SCN10A: variants seen among roughly 807,000 people sequenced by gnomAD.
The protein encoded by SCN10A is sodium channel protein type 10 subunit alpha.
In SCN10A, 162 loss-of-function variants were observed where a neutral mutation model predicts 170.7. The observed-to-expected ratio is 0.95, with a 90% CI of 0.84 to 1.08. SCN10A has a LOEUF of 1.08. Ranked by LOEUF, SCN10A falls within the 50% of genes least tolerant of loss-of-function variation. SCN10A has a pLI of 0.00. For synonymous variants in SCN10A, 985 were observed against 904.6 expected (o/e 1.09, Z -1.59); for missense variants, 2,527 against 2,436.9 (o/e 1.04, Z -0.78).
intron 1 of SCN10A, among the ~76,000 whole-genome samples, chr3:38,800,366 G>C (rs1040221946): frequency 1.3e-5 from 2 of 152,206 alleles, no homozygotes; most frequent in South Asian, 4.1e-4. Flanking sequence ...GTAGGTCTGA[G>C]GTGAGGCCCA....
chr3:38,726,302 T>C (rs189723257), intron 17 of SCN10A, among the ~76,000 whole-genome samples: 11 of 152,256 alleles, frequency 7.2e-5, no homozygotes, highest in Admixed American at 5.9e-4. Context: ...GAAATCTCAT[T>C]AGCATCTCAT....
intron 18 of SCN10A, 34 bp from the exon 19 acceptor site, chr3:38,723,587 C>T: frequency 6.4e-7 from 1 of 1,556,946 alleles, no homozygotes; most frequent in Non-Finnish European, 8.7e-7. Context: ...GTGAACTCGT[C>T]TCTCCGCGGG....
At chr3:38,714,765 C>T (rs951669945) in intron 21 of SCN10A, among the ~76,000 whole-genome samples, 2 of 152,190 alleles carry the variant, frequency 1.3e-5, no homozygotes, top group Non-Finnish European at 2.9e-5. Flanking sequence ...TTGTGAGCCC[C>T]TTTTGGTCTG....
intron 12 of SCN10A, 25 bp downstream of exon 12, chr3:38,752,194 G>C (rs2063754033): frequency 1.1e-5 from 16 of 1,482,438 alleles, no homozygotes; most frequent in Middle Eastern, 1.8e-4. Context: ...CAGCCTGAGG[G>C]AGTCTGAAGC....
rs371221408 is a variant in SCN10A at position 38,771,339 on chromosome 3, T to C, written c.539A>G (p.Asn180Ser). 5.0e-6 allele frequency: 8 copies of C among 1,614,042 alleles called. No homozygotes were observed. The African/African-American group carries it at 8.0e-5, about 16-fold the overall frequency. The change falls in exon 5 of 28, where the codon AAT (asparagine) becomes AGT (serine). Residue 180 changes from asparagine to serine, a missense_variant. Coordinates refer to ENST00000449082, the MANE Select transcript of SCN10A (RefSeq NM_006514.4). Reference protein sequence around the residue: ...IKILARGFCLNEFTYLRDPWN... With the variant: ...IKILARGFCLSEFTYLRDPWN... ...AGGATCTCTCAGGTACGTGAACTCA[T>C]TTAGACAAAATCCTCTTGCCAGTAT...
At chr3:38,742,597 T>C in intron 13 of SCN10A, 68 bp from the exon 14 acceptor site, 1 of 1,166,742 alleles carries the variant, frequency 8.6e-7, no homozygotes, top group East Asian at 2.3e-5. Context: ...TCTGCGGTCA[T>C]CCTCTAGACC....
At chr3:38,778,791 C>T (rs1383034309) in intron 4 of SCN10A, among the ~76,000 whole-genome samples, 3 of 152,052 alleles carry the variant, frequency 2.0e-5, no homozygotes, top group Non-Finnish European at 2.9e-5. Context: ...TATCAATTTG[C>T]ATTTCAAAAA....
intron 1 of SCN10A, among the ~76,000 whole-genome samples, chr3:38,802,472 G>A (rs11713473): frequency 0.12 from 17,763 of 151,894 alleles, 1,201 homozygotes; most frequent in Middle Eastern, 0.2. Flanking sequence ...GCCTTCTCCC[G>A]TTTTAACACA....
chr3:38,789,024 T>C lies in SCN10A; in HGVS notation c.402A>G (p.Leu134=), dbSNP rs777579309. The change falls in exon 4 of 28, where the codon TTA becomes TTG. Residue 134 remains leucine (L), a synonymous_variant. Transcript: ENST00000449082. ...IKVSVHSWFS[L]FITVTILVNC... ...TAACCAAAATAGTGACCGTAATAAATAAACTGAACCACCTGAAAGGCCTGT... is the reference window on the plus strand; with the variant it reads ...TAACCAAAATAGTGACCGTAATAAACAAACTGAACCACCTGAAAGGCCTGT... 2 of 1,609,882 alleles carry C rather than the reference T, an allele frequency of 1.2e-6. No individual in the cohort carries two copies. Among genetic ancestry groups the C allele is most frequent in the Admixed American group, 1.7e-5 (1 of 59,912 alleles).
chr3:38,756,698 G>C lies in SCN10A; in HGVS notation c.1266C>G (p.Leu422=). 6.2e-7 allele frequency: 1 copy of C among 1,613,978 alleles called. No individual in the cohort carries two copies. The highest frequency in any genetic ancestry group is 1.1e-5 in the South Asian group (1 of 91,078). ...EAKEKKFQEA[L]EMLRKEQEVL... is the part of the protein sequence containing the mutation. ...CCTCCTGCTCCTTCCGGAGCATCTC[G>C]AGGGCCTCCTGGAACTTCTTCTCCT... Residue 422 remains leucine, a synonymous_variant, in exon 10 of 28, where the codon CTC becomes CTG. Coordinates refer to ENST00000449082, the MANE Select transcript of SCN10A (RefSeq NM_006514.4).
rs145966245 is a variant in SCN10A at position 38,727,292 on chromosome 3, G to A, written c.2641-240C>T. Reference sequence around the variant, plus strand: ...TGGAAGCATATTTTCCACCATAAAGGAGGAGCCCCCCGCTGAGCAGAGGGA... The same window carrying A: ...TGGAAGCATATTTTCCACCATAAAGAAGGAGCCCCCCGCTGAGCAGAGGGA... On this transcript the variant is annotated intron_variant, in intron 16 of 27. Transcript: ENST00000449082. Among the ~76,000 whole-genome samples, 2,550 of 152,304 alleles carry A rather than the reference G, an allele frequency of 0.017. 30 individuals carry two copies. Among genetic ancestry groups the A allele is most frequent in the Non-Finnish European group, 0.026 (1,764 of 68,026 alleles).
chr3:38,739,560 G>A lies in SCN10A; in HGVS notation c.2235C>T (p.Gly745=), dbSNP rs759129745. The A allele has an allele frequency of 8.1e-6, 13 of 1,614,116 alleles. No individual in the cohort carries two copies. Among genetic ancestry groups the A allele is most frequent in the East Asian group, 2.2e-5 (1 of 44,878 alleles). The change falls in exon 15 of 28, where the codon GGC becomes GGT. Residue 745 remains glycine (G), a synonymous_variant. Coordinates refer to ENST00000449082, the MANE Select transcript of SCN10A (RefSeq NM_006514.4). ...CAGACAGGCTTCCCTTCTTGGCCAC[G>A]CCCAGCTCTAGCAGACTCACAGTGA... ...IIVTVSLLEL[G]VAKKGSLSVL... is the part of the protein sequence containing the mutation.
intron 11 of SCN10A, among the ~76,000 whole-genome samples, chr3:38,754,070 A>G (rs954837593): frequency 2.6e-5 from 4 of 152,244 alleles, no homozygotes; most frequent in Non-Finnish European, 4.4e-5. Flanking sequence ...ATCAATTAGC[A>G]TTAAAGAAGT....
At position 38,793,782 on chromosome 3, in the gene SCN10A, C is replaced by T. The variant is rs1429242461; in HGVS notation, c.229G>A (p.Glu77Lys). Residue 77 changes from glutamate (E) to lysine (K), a missense_variant, in exon 2 of 28, where the codon GAG becomes AAG. By Grantham distance (56) the Glu-to-Lys change is moderately conservative. Transcript: ENST00000449082. The stretch of plus-strand genomic sequence containing the variant: ...AACGGATCTAGATCCTCCAGGGGCT[C>T]CCCGATCAGTTCTGCTGGGAGCTCA... The part of the protein sequence containing the change: ...YGELPAELIG[E>K]PLEDLDPFYS... 6.2e-7 allele frequency: 1 copy of T among 1,613,858 alleles called. No homozygotes were observed. The highest frequency in any genetic ancestry group is 2.2e-5 in the East Asian group (1 of 44,848).
chr3:38,766,540 T>C (rs977648187), intron 5 of SCN10A, among the ~76,000 whole-genome samples: 6 of 152,200 alleles, frequency 3.9e-5, no homozygotes, highest in African/African-American at 1.4e-4. Flanking sequence ...GCAGCATTTA[T>C]TGACTTGTGT....
intron 3 of SCN10A, among the ~76,000 whole-genome samples, chr3:38,791,194 G>A (rs2126059331): frequency 6.6e-6 from 1 of 152,266 alleles, no homozygotes. Context: ...CCTCCTGCAA[G>A]CCAGGGCTAA....
At chr3:38,807,579 A>G (rs1426227603) in intron 1 of SCN10A, among the ~76,000 whole-genome samples, 1 of 152,102 alleles carries the variant, frequency 6.6e-6, no homozygotes, top group Admixed American at 6.6e-5. Context: ...GAAGGCTTCT[A>G]CATACTGGAG....
chr3:38,711,014 C>A (rs2063268232), intron 23 of SCN10A, 117 bp from the exon 24 acceptor site: 4 of 805,600 alleles, frequency 5.0e-6, no homozygotes, highest in Non-Finnish European at 8.0e-6. Context: ...AGGGCTTGTG[C>A]AGAAAGAATG....
Position 38,710,861 on chromosome 3 carries a change from CTG to C in SCN10A, c.4124_4125del (p.Ala1375GlyfsTer3). The C allele has an allele frequency of 6.2e-7, 1 of 1,613,854 alleles. No individual in the cohort carries two copies. The highest frequency in any genetic ancestry group is 8.5e-7 in the Non-Finnish European group (1 of 1,179,878). On this transcript the variant is annotated frameshift_variant, in exon 24 of 28. Transcript: ENST00000449082. LOFTEE classifies it high-confidence loss of function. ...TFKGWMDIMY[A>X]AVDSREVNMQ... ...AGACTCACCTCCCGGGAATCAACAG[CTG>C]CATACATAATGTCCATCCAGCCTTT...
Sources: gnomAD v4.1 joint callset for allele counts (sites outside exome capture counted in the v4.1 genomes callset) on GRCh38, gnomAD v4.1.1 for gene constraint, MANE v1.5 for transcripts, NCBI Gene and HGNC (gene_info 2026-07-23, HGNC 2026-07-21) for gene names.